The following RGS7 variants were observed in gnomAD, a reference collection of about 807,000 sequenced individuals.
RGS7 encodes the protein regulator of G-protein signaling 7.
In RGS7, 27 loss-of-function variants were observed where a neutral mutation model predicts 81.1. That is an observed-to-expected ratio of 0.33 (90% CI 0.25 to 0.46). RGS7 has a LOEUF of 0.46. Among genes scored for constraint, RGS7 ranks in the 20% least tolerant of loss-of-function variants. The pLI, the probability that RGS7 is intolerant of heterozygous loss-of-function variation, is 1.00. For synonymous variants in RGS7, 208 were observed against 207.7 expected (o/e 1.00, Z -0.01); for missense variants, 396 against 607.4 (o/e 0.65, Z 3.66).
At chr1:241,167,023 T>C (rs1352975130) in intron 2 of RGS7, among the ~76,000 whole-genome samples, 1 of 152,214 alleles carries the variant, frequency 6.6e-6, no homozygotes, top group Non-Finnish European at 1.5e-5. Context: ...GAGTTTTTAT[T>C]ACAGTTTCCT....
intron 3 of RGS7, among the ~76,000 whole-genome samples, chr1:241,012,605 A>C (rs762552284): frequency 3.9e-5 from 6 of 152,166 alleles, no homozygotes; most frequent in Non-Finnish European, 5.9e-5. Context: ...GGGGACCAAA[A>C]TATGTCACCC....
intron 2 of RGS7, among the ~76,000 whole-genome samples, chr1:241,272,157 C>T (rs971211803): frequency 2.6e-5 from 4 of 152,086 alleles, no homozygotes; most frequent in South Asian, 4.2e-4. Flanking sequence ...CCACGCCTGG[C>T]TAATTTTTTG....
At chr1:240,908,061 A>C (rs1671117674) in intron 6 of RGS7, among the ~76,000 whole-genome samples, 2 of 152,030 alleles carry the variant, frequency 1.3e-5, no homozygotes, top group African/African-American at 4.8e-5. Flanking sequence ...ACCATGGTTA[A>C]CTTTTTCTTT....
rs191574969 is a variant in RGS7 at position 241,033,212 on chromosome 1, G to A, written c.176-50083C>T. ...CTAAAAATACAAAAATTAACTGGGCGTGATGGTGCACACCTGTGGTCCCAC... is the reference window on the plus strand; with the variant it reads ...CTAAAAATACAAAAATTAACTGGGCATGATGGTGCACACCTGTGGTCCCAC... On this transcript the variant is annotated intron_variant, in intron 3 of 18. Transcript: ENST00000440928. 1.5e-3 allele frequency among the ~76,000 whole-genome samples: 226 copies of A among 152,136 alleles called. 1 individual carries two copies. The highest frequency in any genetic ancestry group is 5.0e-3 in the African/African-American group (207 of 41,500).
chr1:240,800,379 A>G (rs1175172399), intron 18 of RGS7, among the ~76,000 whole-genome samples: 1 of 152,158 alleles, frequency 6.6e-6, no homozygotes, highest in Non-Finnish European at 1.5e-5. Context: ...AATTCTTTCA[A>G]ATACTCTGTG....
intron 2 of RGS7, among the ~76,000 whole-genome samples, chr1:241,340,300 T>A (rs550682196): frequency 1.3e-5 from 2 of 152,332 alleles, no homozygotes; most frequent in South Asian, 2.1e-4. Flanking sequence ...TTTTTGGTTA[T>A]AATCAAATAC....
chr1:240,914,786 A>T (rs1199548932), intron 6 of RGS7, among the ~76,000 whole-genome samples: 2 of 152,100 alleles, frequency 1.3e-5, no homozygotes, highest in Non-Finnish European at 2.9e-5. Context: ...AAAAACCAAC[A>T]ATTCCTCTGA....
At chr1:241,261,005 T>A (rs1194431709) in intron 2 of RGS7, among the ~76,000 whole-genome samples, 1 of 151,502 alleles carries the variant, frequency 6.6e-6, no homozygotes, top group Non-Finnish European at 1.5e-5. Context: ...CACACCAGCA[T>A]GGCACATGTA....
At chr1:241,106,752 C>CACACACACACA (rs1553421292) in intron 2 of RGS7, among the ~76,000 whole-genome samples, 8 of 121,644 alleles carry the variant, frequency 6.6e-5, no homozygotes, top group African/African-American at 2.6e-4. Context: ...AACACCACCA[C>CACACACACACA]CACACACACA....
At chr1:240,978,606 A>G (rs1180068516) in intron 4 of RGS7, among the ~76,000 whole-genome samples, 1 of 152,194 alleles carries the variant, frequency 6.6e-6, no homozygotes, top group Non-Finnish European at 1.5e-5. Context: ...AGGGAGAGAG[A>G]AAGCTAAAAA....
At chr1:241,223,942 A>T (rs904468936) in intron 2 of RGS7, among the ~76,000 whole-genome samples, 11 of 151,538 alleles carry the variant, frequency 7.3e-5, no homozygotes, top group Non-Finnish European at 1.5e-4. Context: ...GGAATAAGTT[A>T]GATGGTCATT....
chr1:241,306,097 G>A (rs570737644), intron 2 of RGS7, among the ~76,000 whole-genome samples: 2 of 151,250 alleles, frequency 1.3e-5, no homozygotes, highest in East Asian at 2.0e-4. Flanking sequence ...AAGAAACCAT[G>A]AGTAGCTATA....
At chr1:241,180,224 A>T (rs1243273661) in intron 2 of RGS7, among the ~76,000 whole-genome samples, 1 of 151,990 alleles carries the variant, frequency 6.6e-6, no homozygotes, top group African/African-American at 2.4e-5. Flanking sequence ...AAATACAAAA[A>T]ATTAGCCGGG....
At chr1:241,209,571 C>T (rs532977748) in intron 2 of RGS7, among the ~76,000 whole-genome samples, 2 of 152,232 alleles carry the variant, frequency 1.3e-5, no homozygotes, top group African/African-American at 4.8e-5. Flanking sequence ...CATGGTGGCT[C>T]ACATCTGTAA....
At chr1:241,107,243 G>C (rs2065182346) in intron 2 of RGS7, among the ~76,000 whole-genome samples, 1 of 152,142 alleles carries the variant, frequency 6.6e-6, no homozygotes, top group African/African-American at 2.4e-5. Context: ...AAAAATGGCT[G>C]CCCTTACTGC....
intron 9 of RGS7, among the ~76,000 whole-genome samples, chr1:240,862,359 T>C (rs370737913): frequency 6.6e-6 from 1 of 152,240 alleles, no homozygotes; most frequent in South Asian, 2.1e-4. Flanking sequence ...TGACTTTAAG[T>C]ATATTTTAAA....
chr1:241,268,432 C>A (rs1448257499), intron 2 of RGS7, among the ~76,000 whole-genome samples: 2 of 152,158 alleles, frequency 1.3e-5, no homozygotes, highest in African/African-American at 4.8e-5. Flanking sequence ...GGAGCACCCC[C>A]CAAGTTGTGC....
In RGS7 at chr1:240,823,629, A is replaced by C. The variant is rs558262808; in HGVS notation, c.684+3469T>G. Among the ~76,000 whole-genome samples the C allele has an allele frequency of 2.1e-4, 32 of 152,238 alleles. No homozygotes were observed. The South Asian group carries it at 6.6e-3, about 32-fold the overall frequency. ...GCCGCGGTGGGTCCCTGAGGCAACCAACCCAACAAAAGCTTCCCGGCGACT... is the reference window on the plus strand; with the variant it reads ...GCCGCGGTGGGTCCCTGAGGCAACCCACCCAACAAAAGCTTCCCGGCGACT... On this transcript the variant is annotated intron_variant, in intron 10 of 18. Coordinates refer to ENST00000440928, the MANE Select transcript of RGS7 (RefSeq NM_001364886.1).
chr1:241,174,500 A>G (rs2070959946), intron 2 of RGS7, among the ~76,000 whole-genome samples: 1 of 152,220 alleles, frequency 6.6e-6, no homozygotes, highest in African/African-American at 2.4e-5. Flanking sequence ...TGCATGTCAC[A>G]CCTAAAGCAC....
Sources: allele counts gnomAD v4.1 joint callset (sites outside exome capture counted in the v4.1 genomes callset), GRCh38; gene constraint gnomAD v4.1.1; transcripts MANE v1.5; gene names NCBI Gene and HGNC (gene_info 2026-07-23, HGNC 2026-07-21).